Variants in RAB3GAP1 observed in about 807,000 individuals in gnomAD.
RAB3GAP1 encodes RAB3 GTPase activating protein catalytic subunit 1.
RAB3GAP1 carries 86 observed loss-of-function variants against 130.7 expected under a neutral mutation model. The ratio of observed to expected loss-of-function variants is 0.66; its 90% CI spans 0.55 to 0.79. The LOEUF is 0.79. RAB3GAP1 is among the 30% of genes least tolerant of loss of function. The pLI, the probability that RAB3GAP1 is intolerant of heterozygous loss-of-function variation, is 0.00. For synonymous variants in RAB3GAP1, 367 were observed against 401.7 expected, an observed-to-expected ratio of 0.91 and a Z score of 1.03; for missense variants, 1,029 against 1,169.4, an observed-to-expected ratio of 0.88 and a Z score of 1.75.
intron 13 of RAB3GAP1, among the ~76,000 whole-genome samples, chr2:135,132,018 A>G (rs1475627284): frequency 6.6e-6 from 1 of 152,248 alleles, no homozygotes; most frequent in Non-Finnish European, 1.5e-5. Context: ...CGTAAGATGT[A>G]GGTAGTGATA....
At chr2:135,103,357 T>A (rs963140766) in intron 5 of RAB3GAP1, among the ~76,000 whole-genome samples, 3 of 152,058 alleles carry the variant, frequency 2.0e-5, no homozygotes, top group Admixed American at 1.3e-4. Context: ...GACTTTAATG[T>A]ATTTTTTTCC....
At chr2:135,052,409 C>T in intron 1 of RAB3GAP1, 21 bp from the exon 2 acceptor site, 1 of 1,614,154 alleles carries the variant, frequency 6.2e-7, no homozygotes, top group Non-Finnish European at 8.5e-7. Context: ...ATTTCTTTTT[C>T]TCTCCTTCCC....
intron 17 of RAB3GAP1, chr2:135,136,667 C>G: frequency 7.9e-7 from 1 of 1,267,864 alleles, no homozygotes; most frequent in Non-Finnish European, 1.0e-6. Flanking sequence ...TGGACAAAGA[C>G]TTATGGATAG....
Position 135,109,825 on chromosome 2 carries a change from G to A in RAB3GAP1, c.363-3326G>A, listed in dbSNP as rs566829888. ...TCTCGATCTCCTGACCTCATGGTCC[G>A]CCTGCCTCGGCCTCCCAAAGTGCTG... is the stretch of plus-strand genomic sequence containing the variant. On this transcript the variant is annotated intron_variant, in intron 5 of 23. Transcript: ENST00000264158. Among the ~76,000 whole-genome samples the A allele has an allele frequency of 5.9e-5, 9 of 152,090 alleles. No homozygotes were observed. The South Asian group carries it at 8.3e-4, about 14-fold the overall frequency.
At chr2:135,125,670 A>ATGC (rs1691328335) in intron 9 of RAB3GAP1, among the ~76,000 whole-genome samples, 1 of 152,238 alleles carries the variant, frequency 6.6e-6, no homozygotes, top group Non-Finnish European at 1.5e-5. Flanking sequence ...CAGGTAGCAT[A>ATGC]GACAGTGTAG....
chr2:135,084,194 G>A (rs1417708155), intron 3 of RAB3GAP1, among the ~76,000 whole-genome samples: 4 of 152,126 alleles, frequency 2.6e-5, no homozygotes, highest in African/African-American at 7.2e-5. Flanking sequence ...GCAATGAGCC[G>A]AGATCACTCC....
intron 3 of RAB3GAP1, among the ~76,000 whole-genome samples, chr2:135,059,769 G>T (rs1689115874): frequency 6.6e-6 from 1 of 152,092 alleles, no homozygotes; most frequent in Non-Finnish European, 1.5e-5. Flanking sequence ...GTAGCATACT[G>T]CCAGGCATGT....
At chr2:135,145,194 T>A (rs1190026815) in intron 17 of RAB3GAP1, among the ~76,000 whole-genome samples, 1 of 152,200 alleles carries the variant, frequency 6.6e-6, no homozygotes, top group Non-Finnish European at 1.5e-5. Flanking sequence ...GATAGGTGAT[T>A]GATAAATCTG....
chr2:135,104,603 A>G (rs1188663166), intron 5 of RAB3GAP1, among the ~76,000 whole-genome samples: 1 of 152,156 alleles, frequency 6.6e-6, no homozygotes, highest in East Asian at 1.9e-4. Context: ...CTGTAATGCC[A>G]CCATTTTGGG....
chr2:135,083,036 T>TA (rs1689871952), intron 3 of RAB3GAP1, among the ~76,000 whole-genome samples: 1 of 152,154 alleles, frequency 6.6e-6, no homozygotes, highest in African/African-American at 2.4e-5. Flanking sequence ...AGGTATACTG[T>TA]ATTTTTAAAA....
At chr2:135,093,332 T>G (rs1243733852) in intron 4 of RAB3GAP1, among the ~76,000 whole-genome samples, 1 of 152,136 alleles carries the variant, frequency 6.6e-6, no homozygotes, top group Non-Finnish European at 1.5e-5. Context: ...TAAATAAAGC[T>G]TTCTGGTAAG....
In RAB3GAP1 at chr2:135,130,562, T is replaced by TA; in HGVS notation, c.1078dup (p.Ile360AsnfsTer18). ...CTGTTCTTTTTATAGAAACTGCTGA[T>TA]ATAACTCATGCTTTGTCAAAATTGA... On this transcript the variant is annotated frameshift_variant, in exon 13 of 24. Transcript: ENST00000264158. LOFTEE classifies it high-confidence loss of function. 2 of 1,612,960 alleles carry TA rather than the reference T, an allele frequency of 1.2e-6. No individual in the cohort carries two copies. The highest frequency in any genetic ancestry group is 4.5e-5 in the East Asian group (2 of 44,846).
chr2:135,170,521 A>C lies in RAB3GAP1; in HGVS notation c.*1740A>C, dbSNP rs1313781593. 6.6e-6 allele frequency: 1 copy of C among 152,202 alleles called. No homozygotes were observed. Among genetic ancestry groups the C allele is most frequent in the Admixed American group, 6.5e-5 (1 of 15,284 alleles). 9.4% of individuals were successfully genotyped at this position (152,202 alleles called of 1,614,324 possible). On this transcript the variant is annotated 3_prime_UTR_variant, in exon 24 of 24. Transcript: ENST00000264158. ...GTGTCAGGTACAGTACAAGCAATGAAGATAAAACAGAAACCAAAACACACT... is the reference window on the plus strand; with the variant it reads ...GTGTCAGGTACAGTACAAGCAATGACGATAAAACAGAAACCAAAACACACT...
chr2:135,071,944 G>A (rs1208498218), intron 3 of RAB3GAP1, among the ~76,000 whole-genome samples: 8 of 151,984 alleles, frequency 5.3e-5, no homozygotes, highest in African/African-American at 1.5e-4. Flanking sequence ...AATGAGTCTC[G>A]CTTTGTCGCC....
At chr2:135,073,778 A>T (rs1416589883) in intron 3 of RAB3GAP1, among the ~76,000 whole-genome samples, 2 of 152,204 alleles carry the variant, frequency 1.3e-5, no homozygotes, top group African/African-American at 2.4e-5. Flanking sequence ...AAAATTAGAC[A>T]TTTCTTTTTG....
At chr2:135,151,298 C>A (rs1692165894) in intron 18 of RAB3GAP1, among the ~76,000 whole-genome samples, 2 of 152,224 alleles carry the variant, frequency 1.3e-5, no homozygotes, top group Non-Finnish European at 2.9e-5. Flanking sequence ...GCGCAGACTT[C>A]CCTCTTTATT....
intron 14 of RAB3GAP1, among the ~76,000 whole-genome samples, chr2:135,133,289 T>C (rs1691596995): frequency 6.6e-6 from 1 of 152,156 alleles, no homozygotes; most frequent in South Asian, 2.1e-4. Flanking sequence ...CTTTTTGATA[T>C]TTTAAAACTA....
chr2:135,120,497 A>C (rs548141287), intron 7 of RAB3GAP1, among the ~76,000 whole-genome samples: 1 of 152,316 alleles, frequency 6.6e-6, no homozygotes, highest in East Asian at 1.9e-4. Context: ...GCTGTTCCTT[A>C]CTATGGGATC....
At chr2:135,076,577 T>G (rs1237697701) in intron 3 of RAB3GAP1, among the ~76,000 whole-genome samples, 1 of 152,244 alleles carries the variant, frequency 6.6e-6, no homozygotes, top group Non-Finnish European at 1.5e-5. Context: ...GAATGTTGAC[T>G]CTGGGTTGCA....
Sources: allele counts gnomAD v4.1 joint callset (sites outside exome capture counted in the v4.1 genomes callset), GRCh38; gene constraint gnomAD v4.1.1; transcripts MANE v1.5; gene names NCBI Gene and HGNC (gene_info 2026-07-23, HGNC 2026-07-21).